The following SMG6 variants were observed in gnomAD, a reference collection of about 807,000 sequenced individuals.
SMG6 encodes the protein telomerase-binding protein EST1A.
SMG6 carries 66 observed loss-of-function variants against 142.2 expected under a neutral mutation model. The ratio of observed to expected loss-of-function variants is 0.46; its 90% CI spans 0.38 to 0.57. SMG6 has a LOEUF of 0.57. SMG6 is among the 20% of genes least tolerant of loss of function. The pLI is 0.00. For synonymous variants in SMG6, 779 were observed against 702.4 expected, an observed-to-expected ratio of 1.11 and a Z score of -1.72; for missense variants, 1,793 against 1,832.0, an observed-to-expected ratio of 0.98 and a Z score of 0.39.
intron 4 of SMG6, among the ~76,000 whole-genome samples, chr17:2,296,649 C>T (rs934756096): frequency 4.6e-5 from 7 of 152,306 alleles, no homozygotes; most frequent in African/African-American, 1.7e-4. Flanking sequence ...GCCCCAACAT[C>T]TCCGTCCATG....
chr17:2,254,270 C>A (rs1421778152), intron 8 of SMG6, among the ~76,000 whole-genome samples: 11 of 152,188 alleles, frequency 7.2e-5, no homozygotes, highest in Admixed American at 4.6e-4. Context: ...CTGAAGCTCC[C>A]ACTGCGTGAT....
chr17:2,162,308 C>T (rs182601387), intron 13 of SMG6, among the ~76,000 whole-genome samples: 7 of 151,798 alleles, frequency 4.6e-5, no homozygotes, highest in East Asian at 1.9e-4. Context: ...GTCAGGAGAT[C>T]GAGACCATCC....
chr17:2,179,192 T>C (rs1184815137), intron 12 of SMG6, among the ~76,000 whole-genome samples: 1 of 152,048 alleles, frequency 6.6e-6, no homozygotes, highest in Non-Finnish European at 1.5e-5. Context: ...GGAGCCAGGG[T>C]AGCAAAGGGG....
chr17:2,189,700 T>A (rs191466552), intron 10 of SMG6, among the ~76,000 whole-genome samples: 1 of 152,162 alleles, frequency 6.6e-6, no homozygotes, highest in Admixed American at 6.5e-5. Flanking sequence ...CAGGAGACAA[T>A]ACCCAACCAC....
chr17:2,212,353 G>A (rs941138325), intron 10 of SMG6, among the ~76,000 whole-genome samples: 3 of 152,132 alleles, frequency 2.0e-5, no homozygotes, highest in African/African-American at 4.8e-5. Flanking sequence ...AGGGGATCTG[G>A]GCAGAGAGAC....
chr17:2,152,669 C>A (rs2070863394), intron 13 of SMG6, among the ~76,000 whole-genome samples: 1 of 152,152 alleles, frequency 6.6e-6, no homozygotes, highest in Non-Finnish European at 1.5e-5. Context: ...TATTAAAAAA[C>A]AAACAAACTG....
At chr17:2,091,273 C>G (rs753749015) in intron 13 of SMG6, among the ~76,000 whole-genome samples, 1 of 152,144 alleles carries the variant, frequency 6.6e-6, no homozygotes, top group Non-Finnish European at 1.5e-5. Context: ...TATTCACATT[C>G]CTAGGGGGAG....
At chr17:2,242,358 A>T (rs2073824795) in intron 9 of SMG6, among the ~76,000 whole-genome samples, 1 of 5,964 alleles carries the variant, frequency 1.7e-4, no homozygotes, top group South Asian at 0.02. Context: ...TGAAGATACA[A>T]AAAAAAAAAA....
intron 13 of SMG6, among the ~76,000 whole-genome samples, chr17:2,153,162 T>G (rs2070879420): frequency 6.6e-6 from 1 of 152,204 alleles, no homozygotes; most frequent in Non-Finnish European, 1.5e-5. Context: ...TATGAGATGT[T>G]TTTTGAGACT....
intron 13 of SMG6, among the ~76,000 whole-genome samples, chr17:2,142,783 G>C (rs2070524379): frequency 6.6e-6 from 1 of 151,644 alleles, no homozygotes; most frequent in Non-Finnish European, 1.5e-5. Flanking sequence ...AGCTACTCGG[G>C]AGGCTGAGGC....
chr17:2,168,621 T>C (rs1023215133), intron 13 of SMG6, among the ~76,000 whole-genome samples: 12 of 152,290 alleles, frequency 7.9e-5, no homozygotes, highest in African/African-American at 2.6e-4. Flanking sequence ...TTGAAGGGTG[T>C]GGCTCACACC....
intron 6 of SMG6, among the ~76,000 whole-genome samples, chr17:2,289,317 A>T (rs2074979414): frequency 6.6e-6 from 1 of 152,094 alleles, no homozygotes; most frequent in Non-Finnish European, 1.5e-5. Context: ...GCAGTTTGGG[A>T]GGCCAACGCA....
chr17:2,258,112 A>G (rs1341835437), intron 8 of SMG6, among the ~76,000 whole-genome samples: 2 of 150,712 alleles, frequency 1.3e-5, no homozygotes, highest in African/African-American at 4.9e-5. Context: ...AGCATCTTCT[A>G]TGTGTAGCAC....
chr17:2,185,626 C>T (rs1236257885), intron 12 of SMG6, among the ~76,000 whole-genome samples: 5 of 152,120 alleles, frequency 3.3e-5, no homozygotes, highest in Admixed American at 2.6e-4. Flanking sequence ...TACACAAATG[C>T]TCTGAGAGAT....
At position 2,158,455 on chromosome 17, in the gene SMG6, A is replaced by C. The variant is rs1035899724; in HGVS notation, c.3357+14203T>G. ...TTTACTGGTAGTTAAGAAACACTTG[A>C]ATTCACTCTTAGGCAGCTAAAGATT... On this transcript the variant is annotated intron_variant, in intron 13 of 18. Transcript: ENST00000263073. Among the ~76,000 whole-genome samples, 9 of 152,206 alleles carry C rather than the reference A, an allele frequency of 5.9e-5. No individual in the cohort carries two copies. The East Asian group carries it at 1.7e-3, about 29-fold the overall frequency.
chr17:2,098,427 G>A (rs764499984), intron 13 of SMG6, among the ~76,000 whole-genome samples: 1 of 152,148 alleles, frequency 6.6e-6, no homozygotes, highest in Non-Finnish European at 1.5e-5. Flanking sequence ...CCCCATGCCT[G>A]AAGAAATCCG....
chr17:2,234,171 C>A (rs1484752406), intron 10 of SMG6, among the ~76,000 whole-genome samples: 1 of 152,150 alleles, frequency 6.6e-6, no homozygotes, highest in Non-Finnish European at 1.5e-5. Flanking sequence ...GCCTTGGCCT[C>A]ACATCAGGGA....
intron 15 of SMG6, among the ~76,000 whole-genome samples, chr17:2,076,589 G>A (rs1352502028): frequency 6.6e-6 from 1 of 152,188 alleles, no homozygotes; most frequent in Non-Finnish European, 1.5e-5. Flanking sequence ...CAGCCACCTC[G>A]GCACAGACTC....
At chr17:2,269,614 A>G (rs2074503903) in intron 8 of SMG6, among the ~76,000 whole-genome samples, 1 of 152,198 alleles carries the variant, frequency 6.6e-6, no homozygotes. Flanking sequence ...AAATGCAAAA[A>G]GAAAATATAC....
Sources: allele counts gnomAD v4.1 joint callset (sites outside exome capture counted in the v4.1 genomes callset), GRCh38; gene constraint gnomAD v4.1.1; transcripts MANE v1.5; gene names NCBI Gene and HGNC (gene_info 2026-07-23, HGNC 2026-07-21).